F5: variants seen among roughly 807,000 people sequenced by gnomAD.
F5 encodes the protein coagulation factor V.
In F5, 138 loss-of-function variants were observed where a neutral mutation model predicts 216.4. The ratio of observed to expected loss-of-function variants is 0.64; its 90% confidence interval spans 0.56 to 0.73. The LOEUF is 0.73. F5 is among the 30% of genes least tolerant of loss of function. F5 has a pLI of 0.00. For synonymous variants in F5, 916 were observed against 930.7 expected (o/e 0.98, Z 0.29); for missense variants, 2,403 against 2,674.0 (o/e 0.90, Z 2.24).
At chr1:169,538,126 C>T (rs1659749540) in intron 13 of F5, among the ~76,000 whole-genome samples, 1 of 151,924 alleles carries the variant, frequency 6.6e-6, no homozygotes, top group Non-Finnish European at 1.5e-5. Flanking sequence ...TCTACATAAA[C>T]AATGAAATAC....
chr1:169,545,948 CT>C (rs1659990641), intron 11 of F5, among the ~76,000 whole-genome samples: 1 of 152,146 alleles, frequency 6.6e-6, no homozygotes, highest in African/African-American at 2.4e-5. Context: ...TTCTGAAAAT[CT>C]TACTGATCAC....
chr1:169,560,502 C>T, intron 4 of F5, 52 bp downstream of exon 4: 1 of 1,578,074 alleles, frequency 6.3e-7, no homozygotes, highest in Non-Finnish European at 8.7e-7. Flanking sequence ...TGACAGAACT[C>T]CTGACCATTC....
intron 1 of F5, 118 bp from the exon 2 acceptor site, chr1:169,582,640 T>A: frequency 1.8e-6 from 1 of 552,846 alleles, no homozygotes; most frequent in East Asian, 3.1e-5. Flanking sequence ...GTATCTTTAT[T>A]GTATTTCAGA....
chr1:169,542,608 A>T lies in F5; in HGVS notation c.2482T>A (p.Ser828Thr). The change falls in exon 13 of 25, where the codon TCC becomes ACC. Residue 828 changes from serine to threonine, a missense_variant. Physicochemically the swap from Ser to Thr is moderately conservative, Grantham distance 58. Coordinates refer to ENST00000367797, the MANE Select transcript of F5 (RefSeq NM_000130.5). Reference sequence around the variant, plus strand: ...ATAGGGTCTTCAGAATATGGGCTGGAATGCTCTGCTGTGGAAGAATTGAGA... The same window carrying T: ...ATAGGGTCTTCAGAATATGGGCTGGTATGCTCTGCTGTGGAAGAATTGAGA... ...SVLNSSTAEH[S>T]SPYSEDPIED... is the part of the protein sequence containing the mutation. 6.2e-7 allele frequency: 1 copy of T among 1,614,028 alleles called. No homozygotes were observed.
Position 169,541,609 on chromosome 1 carries a change from G to A in F5, c.3481C>T (p.Arg1161Ter), listed in dbSNP as rs118203909. 7.4e-6 allele frequency: 12 copies of A among 1,613,980 alleles called. No individual in the cohort carries two copies. The highest frequency in any genetic ancestry group is 1.3e-5 in the African/African-American group (1 of 74,890). ...TCTGTGGGGAAGGACTTGTGACTTC[G>A]GTCATACTCAAGCATTTCACTGAGC... Reference protein sequence around the residue: ...PELSEMLEYDRSHKSFPTDIS... With the variant: ...PELSEMLEYD Residue 1161 changes from arginine to a stop codon, truncating the protein, a stop_gained, in exon 13 of 25, where the codon CGA (arginine) becomes TGA (stop). Transcript: ENST00000367797. LOFTEE classifies it high-confidence loss of function.
intron 24 of F5, 73 bp downstream of exon 24, chr1:169,515,371 A>G (rs1224990788): frequency 2.0e-5 from 32 of 1,561,288 alleles, no homozygotes; most frequent in Non-Finnish European, 2.7e-5. Context: ...ATATTTGTCA[A>G]ATGCAAAATA....
At chr1:169,538,532 C>T (rs912290714) in intron 13 of F5, among the ~76,000 whole-genome samples, 1 of 152,080 alleles carries the variant, frequency 6.6e-6, no homozygotes, top group Non-Finnish European at 1.5e-5. Flanking sequence ...TTAGCCAATT[C>T]ACAATTTATA....
intron 7 of F5, 79 bp from the exon 8 acceptor site, chr1:169,552,813 A>G (rs1433379974): frequency 1.8e-6 from 2 of 1,081,214 alleles, no homozygotes; most frequent in Non-Finnish European, 2.8e-6. Flanking sequence ...TTGTGCTTAA[A>G]CATTCTGCTC....
Position 169,546,443 on chromosome 1 carries a change from G to T in F5, c.1761C>A (p.Ser587Arg), listed in dbSNP as rs775992286. 12 of 1,613,940 alleles carry T rather than the reference G, an allele frequency of 7.4e-6. No homozygotes were observed. Among genetic ancestry groups the T allele is most frequent in the Admixed American group, 1.7e-5 (1 of 60,002 alleles). The change falls in exon 11 of 25, where the codon AGC becomes AGA. Residue 587 changes from serine (S) to arginine (R), a missense_variant and splice_region_variant. Around this residue, in one of 4 missense-constraint regions of F5, gnomAD observed 1,425 missense variants for 1,554.8 expected, o/e 0.92. Coordinates refer to ENST00000367797, the MANE Select transcript of F5 (RefSeq NM_000130.5). ...DPKFYESNIMSTINGYVPESI... is the reference protein window; with the variant it reads ...DPKFYESNIMRTINGYVPESI... ...AACAAAAATAGTACTCTGACTTACT[G>T]CTCATGATGTTTGATTCATAAAACT... is the stretch of plus-strand genomic sequence containing the variant.
chr1:169,582,009 A>G (rs1055036632), intron 2 of F5, among the ~76,000 whole-genome samples: 7 of 152,194 alleles, frequency 4.6e-5, no homozygotes, highest in African/African-American at 1.7e-4. Flanking sequence ...CTTGTCCACT[A>G]TTGCATCCAC....
intron 10 of F5, among the ~76,000 whole-genome samples, chr1:169,547,380 G>A (rs1350192888): frequency 6.6e-6 from 1 of 152,138 alleles, no homozygotes; most frequent in Non-Finnish European, 1.5e-5. Context: ...CACAGCAAAA[G>A]AAACTATCAA....
At position 169,548,666 on chromosome 1, in the gene F5, G is replaced by T. The variant is rs2420374; in HGVS notation, c.1611+1135C>A. On this transcript the variant is annotated intron_variant, in intron 10 of 24. Transcript: ENST00000367797. Reference sequence around the variant, plus strand: ...GTGGAACACCTTAGGTCAGGAGTTCGAGACCAGCCTAGCCAACATGGTGAA... The same window carrying T: ...GTGGAACACCTTAGGTCAGGAGTTCTAGACCAGCCTAGCCAACATGGTGAA... Among the ~76,000 whole-genome samples the T allele has an allele frequency of 2.0e-5, 3 of 151,914 alleles. No individual in the cohort carries two copies. The South Asian group carries it at 6.2e-4, about 32-fold the overall frequency.
Position 169,585,274 on chromosome 1 carries a change from G to A in F5, c.158+955C>T, listed in dbSNP as rs184587549. ...CCAGTTACAATGAGAGTTTTAAAAA[G>A]GTTAATATTATACACTAAAAGATCT... On this transcript the variant is annotated intron_variant, in intron 1 of 24. Transcript: ENST00000367797. Among the ~76,000 whole-genome samples, 468 of 152,072 alleles carry A rather than the reference G, an allele frequency of 3.1e-3. 10 individuals are homozygous for A. Among genetic ancestry groups the A allele is most frequent in the East Asian group, 2.5e-3 (13 of 5,192 alleles).
rs780922091 is a variant in F5 at position 169,546,531 on chromosome 1, T to G, written c.1673A>C (p.Tyr558Ser). 1 of 1,614,060 alleles carries G rather than the reference T, an allele frequency of 6.2e-7. No homozygotes were observed. The highest frequency in any genetic ancestry group is 2.2e-5 in the East Asian group (1 of 44,894). The stretch of plus-strand genomic sequence containing the variant: ...AAACTTGTTGATGTTGTCCTCAAGG[T>G]ACCAGCTTTTGTTCTCATCAAACAC... Reference protein sequence around the residue: ...FAVFDENKSWYLEDNINKFCE... With the variant: ...FAVFDENKSWSLEDNINKFCE... Residue 558 changes from tyrosine (Y) to serine (S), a missense_variant, in exon 11 of 25, where the codon TAC becomes TCC. Physicochemically the swap from Tyr to Ser is moderately radical, Grantham distance 144. Around this residue, in one of 4 missense-constraint regions of F5, gnomAD observed 1,425 missense variants for 1,554.8 expected, o/e 0.92. Coordinates refer to ENST00000367797, the MANE Select transcript of F5 (RefSeq NM_000130.5).
intron 7 of F5, among the ~76,000 whole-genome samples, chr1:169,553,683 C>T (rs572424768): frequency 6.6e-6 from 1 of 152,334 alleles, no homozygotes; most frequent in South Asian, 2.1e-4. Flanking sequence ...GATTGCGCCA[C>T]TGCACTCCAG....
intron 6 of F5, among the ~76,000 whole-genome samples, 165 bp from the exon 7 acceptor site, chr1:169,555,512 G>A (rs761355586): frequency 6.6e-6 from 1 of 151,046 alleles, no homozygotes; most frequent in South Asian, 2.1e-4. Flanking sequence ...CTCTTTAAGT[G>A]GCATCCAGAA....
chr1:169,525,646 A>G (rs1397015489), intron 18 of F5, among the ~76,000 whole-genome samples: 2 of 152,178 alleles, frequency 1.3e-5, no homozygotes, highest in African/African-American at 4.8e-5. Flanking sequence ...TCTTATATGC[A>G]CTTGTCCATG....
At chr1:169,585,162 T>C (rs1223766629) in intron 1 of F5, among the ~76,000 whole-genome samples, 1 of 152,198 alleles carries the variant, frequency 6.6e-6, no homozygotes, top group Non-Finnish European at 1.5e-5. Context: ...CACTTTGAAG[T>C]ACGATATTTA....
intron 14 of F5, among the ~76,000 whole-genome samples, chr1:169,534,688 AAGAC>A (rs781633778): frequency 2.6e-4 from 40 of 152,150 alleles, no homozygotes; most frequent in African/African-American, 7.9e-4. Context: ...AAAAGAAAGA[AAGAC>A]AGAAAATACA....
Sources: allele counts gnomAD v4.1 joint callset (sites outside exome capture counted in the v4.1 genomes callset), GRCh38; gene constraint gnomAD v4.1.1; regional missense constraint gnomAD v4.1.1; transcripts MANE v1.5; gene names NCBI Gene and HGNC (gene_info 2026-07-23, HGNC 2026-07-21).